Variants in P2RY10 observed in about 807,000 individuals in gnomAD.
The protein encoded by P2RY10 is putative P2Y purinoceptor 10.
A neutral mutation model predicts 12.1 loss-of-function variants in P2RY10; 4 were observed. The observed-to-expected ratio is 0.33, with a 90% CI of 0.16 to 0.76. The LOEUF is 0.76. Among genes scored for constraint, P2RY10 ranks in the 30% least tolerant of loss-of-function variants. P2RY10 has a pLI of 0.61. For synonymous variants in P2RY10, 112 were observed against 94.1 expected, an observed-to-expected ratio of 1.19 and a Z score of -1.10; for missense variants, 233 against 264.6, an observed-to-expected ratio of 0.88 and a Z score of 0.83.
chrX:78,950,069 A>G (rs1922038025), intron 2 of P2RY10, among the ~76,000 whole-genome samples: 1 of 112,170 alleles, frequency 8.9e-6, no homozygotes, highest in South Asian at 3.7e-4. Context: ...TTCCCCTCCC[A>G]GGATGACAAG....
intron 2 of P2RY10, among the ~76,000 whole-genome samples, chrX:78,950,492 T>A (rs1922056770): frequency 8.9e-6 from 1 of 111,803 alleles, no homozygotes; most frequent in Non-Finnish European, 1.9e-5. Context: ...TTTTGAGTCT[T>A]CTGTATCCTA....
chrX:78,961,681 C>G lies in P2RY10; in HGVS notation c.*141C>G. ...ACTTTTGTGTAATATTCACAGTCAACAGGGGTGTGATGGTGAAGGCAGAGT... is the reference window on the plus strand; with the variant it reads ...ACTTTTGTGTAATATTCACAGTCAAGAGGGGTGTGATGGTGAAGGCAGAGT... On this transcript the variant is annotated 3_prime_UTR_variant, in exon 4 of 4. Coordinates refer to ENST00000171757, the MANE Select transcript of P2RY10 (RefSeq NM_014499.4). The G allele has an allele frequency of 2.2e-6, 1 of 451,684 alleles. No homozygotes were observed. The highest frequency in any genetic ancestry group is 4.9e-5 in the South Asian group (1 of 20,608). The allele number at this position is 451,684 out of a possible 1,213,427, so 37.2% of individuals were successfully genotyped here. A position where few individuals can be genotyped will look rare whatever the true frequency, so the allele number is the denominator to read the frequency against.
At chrX:78,946,980 G>A (rs1012837476) in intron 1 of P2RY10, among the ~76,000 whole-genome samples, 5 of 111,700 alleles carry the variant, frequency 4.5e-5, no homozygotes, top group East Asian at 2.8e-4. Context: ...TTGGGAGGCC[G>A]AGACAGGTGG....
chrX:78,951,997 T>C (rs1211882060), intron 2 of P2RY10, among the ~76,000 whole-genome samples, 196 bp from the exon 3 acceptor site: 1 of 111,911 alleles, frequency 8.9e-6, no homozygotes, highest in African/African-American at 3.2e-5. Context: ...CTCCCACTTA[T>C]AAGTGAGAAC....
rs868466883 is a variant in P2RY10 at position 78,960,889 on chromosome X, C to T, written c.369C>T (p.Phe123=). The change falls in exon 4 of 4, where the codon TTC becomes TTT. Residue 123 remains phenylalanine, a synonymous_variant. Transcript: ENST00000171757. ...KYLNMYASIC[F]LTCISLQRCF... ...TCAACATGTATGCCAGCATTTGTTT[C>T]CTGACGTGCATCAGTCTTCAAAGGT... 3.3e-6 allele frequency: 4 copies of T among 1,211,445 alleles called. No individual in the cohort carries two copies. Among genetic ancestry groups the T allele is most frequent in the East Asian group, 5.9e-5 (2 of 33,847 alleles).
Position 78,962,637 on chromosome X carries a change from G to A in P2RY10, c.*1097G>A, listed in dbSNP as rs1922690772. Among the ~76,000 whole-genome samples, 2 of 111,730 alleles carry A rather than the reference G, an allele frequency of 1.8e-5. No homozygotes were observed. The highest frequency in any genetic ancestry group is 7.4e-4 in the South Asian group (2 of 2,705). ...GCTTCAGACCACAAGGTCTTAAGTG[G>A]TAAATAGATGCGTTGTCCTAATACT... On this transcript the variant is annotated 3_prime_UTR_variant, in exon 4 of 4. Transcript: ENST00000171757.
chrX:78,954,790 T>C lies in P2RY10; in HGVS notation c.-14+2455T>C, dbSNP rs1171028490. 2.7e-5 allele frequency among the ~76,000 whole-genome samples: 3 copies of C among 112,115 alleles called. No homozygotes were observed. In the East Asian group the frequency reaches 8.4e-4, roughly 31 times the overall value. ...TGTCTACTTGGATGAAATCACAAACTGTTAAGATTCAGATGAATTATACTA... is the reference window on the plus strand; with the variant it reads ...TGTCTACTTGGATGAAATCACAAACCGTTAAGATTCAGATGAATTATACTA... On this transcript the variant is annotated intron_variant, in intron 3 of 3. Coordinates refer to ENST00000171757, the MANE Select transcript of P2RY10 (RefSeq NM_014499.4).
Position 78,962,257 on chromosome X carries a change from C to T in P2RY10, c.*717C>T, listed in dbSNP as rs1239501242. Among the ~76,000 whole-genome samples the T allele has an allele frequency of 5.4e-5, 6 of 111,024 alleles. No individual in the cohort carries two copies. The highest frequency in any genetic ancestry group is 2.0e-4 in the African/African-American group (6 of 30,424). On this transcript the variant is annotated 3_prime_UTR_variant, in exon 4 of 4. Coordinates refer to ENST00000171757, the MANE Select transcript of P2RY10 (RefSeq NM_014499.4). ...CACCCGAGCAGTATACACTGCACCA[C>T]ATTTGTAGTCTTCTATCCCTCGCCC...
intron 1 of P2RY10, among the ~76,000 whole-genome samples, chrX:78,946,819 T>C (rs1921858172): frequency 8.9e-6 from 1 of 112,271 alleles, no homozygotes; most frequent in East Asian, 2.8e-4. Context: ...GGGAAAGTTG[T>C]AGAGTTCAAG....
intron 3 of P2RY10, among the ~76,000 whole-genome samples, chrX:78,953,215 C>T (rs921036723): frequency 3.6e-5 from 4 of 111,606 alleles, no homozygotes; most frequent in Middle Eastern, 4.6e-3. Context: ...ATAATTTGGC[C>T]AACTATTTAA....
At chrX:78,953,448 T>C (rs1922197838) in intron 3 of P2RY10, among the ~76,000 whole-genome samples, 1 of 112,206 alleles carries the variant, frequency 8.9e-6, no homozygotes, top group Non-Finnish European at 1.9e-5. Flanking sequence ...AATACTGGAA[T>C]AAGAAATAGG....
intron 1 of P2RY10, among the ~76,000 whole-genome samples, chrX:78,946,823 G>C (rs1273468607): frequency 2.7e-5 from 3 of 112,257 alleles, no homozygotes; most frequent in Non-Finnish European, 3.8e-5. Context: ...AAGTTGTAGA[G>C]TTCAAGTTGT....
chrX:78,954,152 T>C (rs1367215185), intron 3 of P2RY10, among the ~76,000 whole-genome samples: 1 of 111,735 alleles, frequency 8.9e-6, no homozygotes, highest in East Asian at 2.8e-4. Flanking sequence ...GGTTTACAGG[T>C]GTGAGCCACC....
chrX:78,950,701 A>G (rs1011925544), intron 2 of P2RY10, among the ~76,000 whole-genome samples: 2 of 112,095 alleles, frequency 1.8e-5, no homozygotes, highest in Admixed American at 1.9e-4. Context: ...TGCTAGAACT[A>G]GAACCGAAAA....
intron 1 of P2RY10, among the ~76,000 whole-genome samples, chrX:78,946,291 C>T (rs529830872): frequency 5.4e-5 from 6 of 111,559 alleles, no homozygotes; most frequent in East Asian, 2.8e-4. Context: ...TAATTTTGAC[C>T]GAAGTTCAGC....
Position 78,947,841 on chromosome X carries a change from T to C in P2RY10, c.-179T>C. 1.4e-6 allele frequency: 1 copy of C among 717,066 alleles called. No homozygotes were observed. Among genetic ancestry groups the C allele is most frequent in the Non-Finnish European group, 1.7e-6 (1 of 605,173 alleles). 59.1% of individuals were successfully genotyped at this position (717,066 alleles called of 1,213,427 possible). On this transcript the variant is annotated 5_prime_UTR_variant, in exon 2 of 4. Coordinates refer to ENST00000171757, the MANE Select transcript of P2RY10 (RefSeq NM_014499.4). ...TAATGTTATCATGACAGCTTCAACT[T>C]TTAGACCACAGGCAAATGCTTTGTA...
chrX:78,959,570 A>T (rs748997483), intron 3 of P2RY10, among the ~76,000 whole-genome samples: 2 of 112,142 alleles, frequency 1.8e-5, no homozygotes, highest in Admixed American at 1.9e-4. Context: ...CCAAAAAAGA[A>T]GGAATCTCTT....
intron 2 of P2RY10, among the ~76,000 whole-genome samples, chrX:78,951,329 T>C (rs189395502): frequency 8.9e-6 from 1 of 112,397 alleles, no homozygotes; most frequent in East Asian, 2.8e-4. Flanking sequence ...TTAAAGCTCT[T>C]AGGTGTTCAG....
intron 3 of P2RY10, among the ~76,000 whole-genome samples, chrX:78,957,357 G>GACACACACACACACACACACACAC (rs765759888): frequency 1.6e-4 from 9 of 57,951 alleles, no homozygotes; most frequent in South Asian, 8.7e-4. Context: ...GGAAGAGAAA[G>GACACACACACACACACACACACAC]ACACACACAC....
Sources: gnomAD v4.1 joint callset for allele counts (sites outside exome capture counted in the v4.1 genomes callset) on GRCh38, gnomAD v4.1.1 for gene constraint, MANE v1.5 for transcripts, NCBI Gene and HGNC (gene_info 2026-07-23, HGNC 2026-07-21) for gene names.